The following LRRC4C variants were observed in gnomAD, a reference collection of about 807,000 sequenced individuals.
LRRC4C encodes leucine-rich repeat-containing protein 4C.
LRRC4C carries 5 observed loss-of-function variants against 33.6 expected under a neutral mutation model. The observed-to-expected ratio is 0.15, with a 90% CI of 0.08 to 0.31. The LOEUF (loss-of-function observed/expected upper bound fraction) is 0.31, where lower values mean the gene tolerates loss of function less well. Ranked by LOEUF, LRRC4C falls within the 10% of genes least tolerant of loss-of-function variation. The pLI is 1.00. For synonymous variants in LRRC4C, 329 were observed against 302.0 expected (o/e 1.09, Z -0.93); for missense variants, 560 against 796.7 (o/e 0.70, Z 3.58).
intron 1 of LRRC4C, among the ~76,000 whole-genome samples, chr11:41,382,736 G>A (rs1189951671): frequency 2.0e-5 from 3 of 152,070 alleles, no homozygotes; most frequent in African/African-American, 7.2e-5. Flanking sequence ...AAAAGAACTT[G>A]TAGTACAAAA....
chr11:40,648,468 T>C (rs572132146), intron 2 of LRRC4C, among the ~76,000 whole-genome samples, 190 bp from the exon 3 acceptor site: 1 of 152,310 alleles, frequency 6.6e-6, no homozygotes, highest in South Asian at 2.1e-4. Flanking sequence ...ATATCAAATG[T>C]TATGGTCATT....
intron 1 of LRRC4C, among the ~76,000 whole-genome samples, chr11:41,229,814 G>A (rs1302465309): frequency 6.6e-6 from 1 of 151,970 alleles, no homozygotes; most frequent in Admixed American, 6.6e-5. Context: ...GTTTCCCCCT[G>A]ATAACTCTGA....
At chr11:40,684,115 G>T (rs1265442616) in intron 2 of LRRC4C, among the ~76,000 whole-genome samples, 1 of 151,954 alleles carries the variant, frequency 6.6e-6, no homozygotes, top group Non-Finnish European at 1.5e-5. Context: ...AAATTTAGCA[G>T]ATGTAGTAAA....
At chr11:40,936,172 T>C (rs1473981518) in intron 1 of LRRC4C, among the ~76,000 whole-genome samples, 4 of 148,098 alleles carry the variant, frequency 2.7e-5, no homozygotes, top group Non-Finnish European at 4.5e-5. Flanking sequence ...GGACCCAATA[T>C]TAAAGTTGGG....
intron 1 of LRRC4C, among the ~76,000 whole-genome samples, chr11:40,970,055 C>A (rs1326094725): frequency 1.3e-5 from 2 of 152,096 alleles, no homozygotes; most frequent in Non-Finnish European, 2.9e-5. Flanking sequence ...AGAATCAGAG[C>A]TATGAGAAGC....
chr11:40,207,273 G>A (rs958793238), intron 5 of LRRC4C, among the ~76,000 whole-genome samples: 6 of 152,128 alleles, frequency 3.9e-5, no homozygotes, highest in African/African-American at 2.4e-5. Context: ...TCCATGCTGT[G>A]GAAAATTGTG....
chr11:41,109,675 C>T (rs1048739824), intron 1 of LRRC4C, among the ~76,000 whole-genome samples: 8 of 152,004 alleles, frequency 5.3e-5, no homozygotes, highest in Admixed American at 1.3e-4. Context: ...TATTAATCAT[C>T]TAGTTTTACA....
intron 1 of LRRC4C, among the ~76,000 whole-genome samples, chr11:41,214,098 CT>C (rs990700030): frequency 4.9e-4 from 75 of 152,246 alleles, no homozygotes; most frequent in African/African-American, 1.7e-3. Flanking sequence ...AAATACTTGC[CT>C]GCCATATTTA....
At chr11:40,918,231 G>A (rs920868871) in intron 2 of LRRC4C, among the ~76,000 whole-genome samples, 3 of 151,998 alleles carry the variant, frequency 2.0e-5, no homozygotes, top group Admixed American at 6.6e-5. Context: ...TTATTGTGAG[G>A]ATGTATGTAT....
At chr11:41,107,386 A>G (rs2135672360) in intron 1 of LRRC4C, among the ~76,000 whole-genome samples, 1 of 152,238 alleles carries the variant, frequency 6.6e-6, no homozygotes, top group African/African-American at 2.4e-5. Flanking sequence ...TATCGATCTA[A>G]AACATGATAA....
intron 1 of LRRC4C, among the ~76,000 whole-genome samples, chr11:41,099,420 G>C (rs1737880480): frequency 6.6e-6 from 1 of 150,382 alleles, no homozygotes; most frequent in Non-Finnish European, 1.5e-5. Context: ...CAATATCCAT[G>C]AACATAGATA....
chr11:41,038,179 C>A (rs1857215624), intron 1 of LRRC4C, among the ~76,000 whole-genome samples: 1 of 152,126 alleles, frequency 6.6e-6, no homozygotes, highest in African/African-American at 2.4e-5. Flanking sequence ...ATAGGTGGCA[C>A]ATTTAGGTAC....
chr11:40,358,572 C>G (rs932501274), intron 3 of LRRC4C, among the ~76,000 whole-genome samples: 2 of 152,064 alleles, frequency 1.3e-5, no homozygotes, highest in African/African-American at 2.4e-5. Flanking sequence ...TGAGTTACTG[C>G]GCCTGGTCCC....
intron 1 of LRRC4C, among the ~76,000 whole-genome samples, chr11:41,455,766 TAAGAATAGTTATTTCCA>T (rs1956155065): frequency 6.6e-6 from 1 of 152,186 alleles, no homozygotes; most frequent in South Asian, 2.1e-4. Flanking sequence ...CACTATGAGT[TAAGAATAGTTATTTCCA>T]AATTATATAG....
At chr11:40,222,524 T>C (rs570116516) in intron 5 of LRRC4C, among the ~76,000 whole-genome samples, 3 of 152,360 alleles carry the variant, frequency 2.0e-5, no homozygotes, top group Middle Eastern at 3.4e-3. Flanking sequence ...TTAATTTTAA[T>C]TACTGCAGCA....
intron 1 of LRRC4C, among the ~76,000 whole-genome samples, chr11:41,401,387 T>C (rs1488759565): frequency 6.6e-6 from 1 of 151,760 alleles, no homozygotes; most frequent in Non-Finnish European, 1.5e-5. Flanking sequence ...AGGAAAAAAA[T>C]AAGAAATTTT....
intron 3 of LRRC4C, among the ~76,000 whole-genome samples, chr11:40,410,769 C>T (rs536132264): frequency 2.8e-4 from 42 of 152,226 alleles, no homozygotes; most frequent in African/African-American, 8.2e-4. Flanking sequence ...AATCCAGTAA[C>T]GTAGGTGTTG....
rs183711828 is a variant in LRRC4C, at chr11:41,201,242, T to A, written c.-496+258189A>T. On this transcript the variant is annotated intron_variant, in intron 1 of 6. Transcript: ENST00000528697. ...GACTCTGAAGATTTGACATGTGCAG[T>A]GTACGAGTCTCTATTTAAAGAAACT... Among the ~76,000 whole-genome samples the A allele has an allele frequency of 1.1e-4, 17 of 152,298 alleles. No homozygotes were observed. In the East Asian group the frequency reaches 3.1e-3, roughly 28 times the overall value.
intron 5 of LRRC4C, among the ~76,000 whole-genome samples, chr11:40,179,360 T>C (rs1860790438): frequency 6.6e-6 from 1 of 152,162 alleles, no homozygotes; most frequent in African/African-American, 2.4e-5. Context: ...TGCTAGATGT[T>C]AAGTTTCTTG....
Sources: allele counts gnomAD v4.1 joint callset (sites outside exome capture counted in the v4.1 genomes callset), GRCh38; gene constraint gnomAD v4.1.1; transcripts MANE v1.5; gene names NCBI Gene and HGNC (gene_info 2026-07-23, HGNC 2026-07-21).